TRHDE: variants seen among roughly 807,000 people sequenced by gnomAD.
The protein encoded by TRHDE is thyrotropin releasing hormone degrading enzyme, also known as thyrotropin-releasing hormone-degrading ectoenzyme.
A neutral mutation model predicts 125.7 loss-of-function variants in TRHDE; 72 were observed. The ratio of observed to expected loss-of-function variants is 0.57; its 90% CI spans 0.47 to 0.70. The LOEUF (loss-of-function observed/expected upper bound fraction) is 0.70, where lower values mean the gene tolerates loss of function less well. Ranked by LOEUF, TRHDE falls within the 30% of genes least tolerant of loss-of-function variation. TRHDE has a pLI of 0.00. For missense variants in TRHDE, 1,110 were observed against 1,327.1 expected, an observed-to-expected ratio of 0.84 and a Z score of 2.54; for synonymous variants, 509 against 509.1, an observed-to-expected ratio of 1.00 and a Z score of 0.00.
chr12:72,183,366 A>G lies in TRHDE; in HGVS notation n.279+77614A>G, dbSNP rs148359204. Among the ~76,000 whole-genome samples, 424 of 152,330 alleles carry G rather than the reference A, an allele frequency of 2.8e-3. 2 individuals are homozygous for G. The highest frequency in any genetic ancestry group is 5.1e-3 in the Non-Finnish European group (344 of 68,038). On this transcript the variant is annotated intron_variant and non_coding_transcript_variant, in intron 2 of 4. Transcript: ENST00000548156. ...ACTCCCAGAAATTGCACAGAATGTG[A>G]TAAGGAGCACTTAGTAAAATCTTCT...
In TRHDE at chr12:72,157,357, A is replaced by C. The variant is rs532433185; in HGVS notation, n.279+51605A>C. Reference sequence around the variant, plus strand: ...AGCTTTTGAGCAGAAGAGTGACATTATCTCATGTGTTTTAGGAAGATCATC... The same window carrying C: ...AGCTTTTGAGCAGAAGAGTGACATTCTCTCATGTGTTTTAGGAAGATCATC... On this transcript the variant is annotated intron_variant and non_coding_transcript_variant, in intron 2 of 4. Coordinates refer to the TRHDE transcript ENST00000548156. Among the ~76,000 whole-genome samples, 32 of 152,304 alleles carry C rather than the reference A, an allele frequency of 2.1e-4. No homozygotes were observed. The South Asian group carries it at 6.4e-3, about 31-fold the overall frequency.
chr12:72,657,053 T>C (rs1238358614), intron 18 of TRHDE, 45 bp downstream of exon 18: 2 of 1,242,218 alleles, frequency 1.6e-6, no homozygotes, highest in African/African-American at 1.5e-5. Flanking sequence ...TTTATAAACA[T>C]TTGAAATTAT....
At chr12:72,480,502 A>C (rs1592477569) in intron 5 of TRHDE, among the ~76,000 whole-genome samples, 1 of 152,162 alleles carries the variant, frequency 6.6e-6, no homozygotes, top group East Asian at 1.9e-4. Flanking sequence ...CTTTAAACCT[A>C]GAGATTTAAA....
chr12:72,643,514 C>A (rs1874154649), intron 15 of TRHDE, among the ~76,000 whole-genome samples: 1 of 152,148 alleles, frequency 6.6e-6, no homozygotes, highest in Admixed American at 6.5e-5. Flanking sequence ...GGCAGCTTTG[C>A]CTTCAGAGAC....
chr12:72,279,971 G>T (rs981486230), intron 1 of TRHDE, among the ~76,000 whole-genome samples: 2 of 152,056 alleles, frequency 1.3e-5, no homozygotes, highest in South Asian at 2.1e-4. Flanking sequence ...TGTGGTTGTT[G>T]GTTACTTTTT....
intron 2 of TRHDE, among the ~76,000 whole-genome samples, chr12:72,111,712 T>C (rs1875318590): frequency 6.6e-6 from 1 of 152,186 alleles, no homozygotes; most frequent in Non-Finnish European, 1.5e-5. Flanking sequence ...ATTAACATAA[T>C]ACTTCTGAGG....
chr12:72,586,249 A>G (rs548259972), intron 12 of TRHDE, among the ~76,000 whole-genome samples: 6 of 152,224 alleles, frequency 3.9e-5, no homozygotes, highest in Non-Finnish European at 7.3e-5. Context: ...AATTTGGGGA[A>G]GAAGATAAAG....
intron 2 of TRHDE, among the ~76,000 whole-genome samples, chr12:72,245,325 A>G (rs1019344198): frequency 6.6e-6 from 1 of 151,894 alleles, no homozygotes; most frequent in Non-Finnish European, 1.5e-5. Flanking sequence ...GTAGATAGAT[A>G]TAGATATAGA....
intron 3 of TRHDE, among the ~76,000 whole-genome samples, chr12:72,380,766 G>T (rs77277232): frequency 1.4e-5 from 1 of 71,012 alleles, no homozygotes; most frequent in Admixed American, 1.6e-4. Flanking sequence ...TTCCTTCCTT[G>T]CTTCCTTCCT....
rs527958581 is a variant in TRHDE at position 72,662,845 on chromosome 12, C to T, written c.3067-207C>T. Among the ~76,000 whole-genome samples the T allele has an allele frequency of 2.7e-5, 4 of 150,742 alleles. No homozygotes were observed. The South Asian group carries it at 8.3e-4, about 31-fold the overall frequency. ...TTTTTTTCTGTTCCAAAATCAATTA[C>T]ATCACAACTAATTGACATAATCTGT... On this transcript the variant is annotated intron_variant, in intron 18 of 18. Transcript: ENST00000261180.
At chr12:72,428,010 C>G (rs1331616505) in intron 3 of TRHDE, among the ~76,000 whole-genome samples, 2 of 152,086 alleles carry the variant, frequency 1.3e-5, no homozygotes. Context: ...AACTCCACAT[C>G]ATTGTTAGGC....
intron 5 of TRHDE, among the ~76,000 whole-genome samples, chr12:72,495,169 G>A (rs1246003239): frequency 2.2e-5 from 3 of 138,440 alleles, no homozygotes; most frequent in Non-Finnish European, 4.6e-5. Context: ...AGGCATCAAA[G>A]TATCAACATT....
At chr12:72,608,200 T>A (rs1872522849) in intron 12 of TRHDE, among the ~76,000 whole-genome samples, 1 of 152,172 alleles carries the variant, frequency 6.6e-6, no homozygotes, top group South Asian at 2.1e-4. Flanking sequence ...CATATGCCAT[T>A]ATTTGAGTCC....
At chr12:72,250,841 T>C (rs1313550450) in intron 2 of TRHDE, among the ~76,000 whole-genome samples, 1 of 133,404 alleles carries the variant, frequency 7.5e-6, no homozygotes, top group East Asian at 2.0e-4. Flanking sequence ...CTTACAGATA[T>C]ATATATATAT....
At chr12:72,598,802 G>A (rs896946431) in intron 12 of TRHDE, among the ~76,000 whole-genome samples, 9 of 152,012 alleles carry the variant, frequency 5.9e-5, no homozygotes. Flanking sequence ...TGATGCTGAG[G>A]TTTGGTATAG....
chr12:72,161,302 A>G (rs1012457811), intron 2 of TRHDE, among the ~76,000 whole-genome samples: 1 of 151,898 alleles, frequency 6.6e-6, no homozygotes, highest in Admixed American at 6.6e-5. Context: ...GCGTGGTGGC[A>G]CTCGCCTGTA....
At chr12:72,138,841 T>C (rs527797596) in intron 2 of TRHDE, among the ~76,000 whole-genome samples, 1 of 152,340 alleles carries the variant, frequency 6.6e-6, no homozygotes, top group South Asian at 2.1e-4. Context: ...CTGGTGGACA[T>C]TCCCATTTTC....
chr12:72,634,699 T>C (rs1299638335), intron 15 of TRHDE, among the ~76,000 whole-genome samples: 1 of 136,190 alleles, frequency 7.3e-6, no homozygotes, highest in Non-Finnish European at 1.6e-5. Flanking sequence ...CCCCCTCCTG[T>C]GTCCATGTGT....
At chr12:72,456,759 A>G (rs1362884522) in intron 3 of TRHDE, among the ~76,000 whole-genome samples, 1 of 152,170 alleles carries the variant, frequency 6.6e-6, no homozygotes, top group Non-Finnish European at 1.5e-5. Context: ...CTTATAAAAT[A>G]CAATTTAGGA....
Sources: gnomAD v4.1 joint callset for allele counts (sites outside exome capture counted in the v4.1 genomes callset) on GRCh38, gnomAD v4.1.1 for gene constraint, MANE v1.5 for transcripts, NCBI Gene and HGNC (gene_info 2026-07-23, HGNC 2026-07-21) for gene names.